The following MARCHF4 variants were observed in gnomAD, a reference collection of about 807,000 sequenced individuals.
MARCHF4 encodes the protein E3 ubiquitin-protein ligase MARCHF4.
In MARCHF4, 14 loss-of-function variants were observed where a neutral mutation model predicts 43.9. The observed-to-expected ratio is 0.32, with a 90% CI of 0.21 to 0.50. The LOEUF is 0.50. Ranked by LOEUF, MARCHF4 falls within the 20% of genes least tolerant of loss-of-function variation. The pLI is 0.98. For synonymous variants in MARCHF4, 226 were observed against 213.3 expected (o/e 1.06, Z -0.52); for missense variants, 468 against 536.7 (o/e 0.87, Z 1.27).
intron 1 of MARCHF4, among the ~76,000 whole-genome samples, chr2:216,308,890 T>G (rs1270952677): frequency 6.6e-6 from 1 of 152,230 alleles, no homozygotes; most frequent in Non-Finnish European, 1.5e-5. Flanking sequence ...CCCCTTTTTT[T>G]CCTATTCTTT....
intron 1 of MARCHF4, among the ~76,000 whole-genome samples, chr2:216,343,438 T>C (rs1692264095): frequency 6.6e-6 from 1 of 152,216 alleles, no homozygotes; most frequent in African/African-American, 2.4e-5. Flanking sequence ...TCTACTCACA[T>C]GACCTCATCT....
chr2:216,329,618 G>A (rs1692053045), intron 1 of MARCHF4, among the ~76,000 whole-genome samples: 1 of 132,434 alleles, frequency 7.6e-6, no homozygotes, highest in Admixed American at 8.1e-5. Flanking sequence ...ACATAAAACA[G>A]GTAGGACAAA....
intron 2 of MARCHF4, among the ~76,000 whole-genome samples, chr2:216,279,120 A>G (rs1691081693): frequency 6.6e-6 from 1 of 152,232 alleles, no homozygotes; most frequent in African/African-American, 2.4e-5. Flanking sequence ...AACATGGCAC[A>G]GTGAGAGCCG....
intron 1 of MARCHF4, among the ~76,000 whole-genome samples, chr2:216,323,722 A>C (rs983984508): frequency 6.6e-6 from 1 of 152,262 alleles, no homozygotes; most frequent in Admixed American, 6.5e-5. Flanking sequence ...TACTGGGTAC[A>C]TAATGAAATA....
chr2:216,269,939 T>G (rs1401497708), intron 3 of MARCHF4, among the ~76,000 whole-genome samples: 1 of 152,194 alleles, frequency 6.6e-6, no homozygotes, highest in Non-Finnish European at 1.5e-5. Flanking sequence ...CCCCTAGTCC[T>G]CTGTCCTCAG....
intron 1 of MARCHF4, chr2:216,303,434 G>A (rs571739182): frequency 2.0e-5 from 3 of 152,224 alleles, no homozygotes; most frequent in Non-Finnish European, 4.4e-5. Context: ...ATCCCTTCAA[G>A]GGATAAATTT....
intron 1 of MARCHF4, among the ~76,000 whole-genome samples, chr2:216,323,158 T>C (rs1328541379): frequency 6.6e-6 from 1 of 152,196 alleles, no homozygotes; most frequent in Non-Finnish European, 1.5e-5. Flanking sequence ...TAGTAAGTTA[T>C]ATTTACATTC....
rs774500721 is a variant in MARCHF4 at position 216,366,906 on chromosome 2, G to A, written c.516+2839C>T. Among the ~76,000 whole-genome samples the A allele has an allele frequency of 4.6e-5, 7 of 152,120 alleles. No homozygotes were observed. The South Asian group carries it at 6.2e-4, about 14-fold the overall frequency. On this transcript the variant is annotated intron_variant, in intron 1 of 3. Coordinates refer to ENST00000273067, the MANE Select transcript of MARCHF4 (RefSeq NM_020814.3). ...GAATACTCATGCCTGGAACAGCAAC[G>A]GGCACACTGCAGGTGCCCCGAAAAA...
At chr2:216,334,418 T>A (rs1453473423) in intron 1 of MARCHF4, among the ~76,000 whole-genome samples, 1 of 152,168 alleles carries the variant, frequency 6.6e-6, no homozygotes, top group East Asian at 1.9e-4. Flanking sequence ...AACATCTTTT[T>A]TTTTTGGGGT....
At chr2:216,284,411 T>A (rs141784218) in intron 1 of MARCHF4, among the ~76,000 whole-genome samples, 1 of 152,310 alleles carries the variant, frequency 6.6e-6, no homozygotes, top group East Asian at 1.9e-4. Context: ...GGGCTCACTC[T>A]CCAGAACTTC....
intron 1 of MARCHF4, among the ~76,000 whole-genome samples, chr2:216,320,932 G>A (rs1330047851): frequency 6.6e-6 from 1 of 150,436 alleles, no homozygotes; most frequent in Non-Finnish European, 1.5e-5. Flanking sequence ...ACCTGCCTCG[G>A]CCTCCCAAAG....
intron 1 of MARCHF4, among the ~76,000 whole-genome samples, chr2:216,352,025 C>T (rs1033108435): frequency 3.9e-5 from 6 of 152,130 alleles, no homozygotes; most frequent in African/African-American, 1.4e-4. Flanking sequence ...TGCTGCATTT[C>T]TGACTTTTTT....
rs1446753562 is a variant in MARCHF4, at chr2:216,371,995, G to C, written c.-1735C>G. The C allele has an allele frequency of 4.6e-5, 7 of 152,672 alleles. No individual in the cohort carries two copies. Among genetic ancestry groups the C allele is most frequent in the Admixed American group, 4.6e-4 (7 of 15,302 alleles). 9.5% of individuals were successfully genotyped at this position (152,672 alleles called of 1,614,324 possible). A position where few individuals can be genotyped will look rare whatever the true frequency, so the allele number is the denominator to read the frequency against. ...GTTTGCGGTGCCAGCTGAAGGTGGG[G>C]AGGGGGGAGCGAAGCAGTGTGGCCG... On this transcript the variant is annotated 5_prime_UTR_variant, in exon 1 of 4. Transcript: ENST00000273067.
At chr2:216,263,888 G>A (rs553012510) in intron 3 of MARCHF4, among the ~76,000 whole-genome samples, 27 of 152,302 alleles carry the variant, frequency 1.8e-4, no homozygotes, top group African/African-American at 6.5e-4. Flanking sequence ...GTAGGGATGA[G>A]CTGAGCAGGA....
chr2:216,289,233 A>ACCCCCCCCCCCCCCCC (rs199838607), intron 1 of MARCHF4, among the ~76,000 whole-genome samples: 1 of 102,602 alleles, frequency 9.7e-6, no homozygotes, highest in African/African-American at 3.8e-5. Flanking sequence ...TTTCTTCCCC[A>ACCCCCCCCCCCCCCCC]CCCGCCCCCC....
At chr2:216,349,514 C>G (rs1250582017) in intron 1 of MARCHF4, among the ~76,000 whole-genome samples, 1 of 152,168 alleles carries the variant, frequency 6.6e-6, no homozygotes, top group Non-Finnish European at 1.5e-5. Flanking sequence ...GATAACAGAG[C>G]AGGCGGCCTG....
At chr2:216,287,516 T>G (rs561141424) in intron 1 of MARCHF4, among the ~76,000 whole-genome samples, 1 of 151,672 alleles carries the variant, frequency 6.6e-6, no homozygotes, top group East Asian at 1.9e-4. Flanking sequence ...GGATCTTCTC[T>G]AATCATCTGG....
intron 1 of MARCHF4, among the ~76,000 whole-genome samples, chr2:216,354,951 C>CTTTCTTTCTTTCTTT (rs1692471258): frequency 7.2e-6 from 1 of 139,758 alleles, no homozygotes; most frequent in African/African-American, 2.8e-5. Context: ...TTCTTTCTTT[C>CTTTCTTTCTTTCTTT]TTTCTTTCTT....
chr2:216,286,912 G>A (rs964133107), intron 1 of MARCHF4, among the ~76,000 whole-genome samples: 2 of 152,216 alleles, frequency 1.3e-5, no homozygotes, highest in Non-Finnish European at 2.9e-5. Flanking sequence ...TGGACACTGA[G>A]ATGAATTCTC....
Sources: allele counts gnomAD v4.1 joint callset (sites outside exome capture counted in the v4.1 genomes callset), GRCh38; gene constraint gnomAD v4.1.1; transcripts MANE v1.5; gene names NCBI Gene and HGNC (gene_info 2026-07-23, HGNC 2026-07-21).